USP46: variants seen among roughly 807,000 people sequenced by gnomAD.
USP46 encodes ubiquitin specific peptidase 46.
USP46 carries 12 observed loss-of-function variants against 44.4 expected under a neutral mutation model. The ratio of observed to expected loss-of-function variants is 0.27; its 90% CI spans 0.17 to 0.44. The LOEUF is 0.44. USP46 is among the 20% of genes least tolerant of loss of function. The pLI is 1.00. For missense variants in USP46, 248 were observed against 444.8 expected, an observed-to-expected ratio of 0.56 and a Z score of 3.98; for synonymous variants, 155 against 161.5, an observed-to-expected ratio of 0.96 and a Z score of 0.31.
At chr4:52,649,479 T>A (rs1390335490) in intron 1 of USP46, among the ~76,000 whole-genome samples, 1 of 152,222 alleles carries the variant, frequency 6.6e-6, no homozygotes, top group Non-Finnish European at 1.5e-5. Flanking sequence ...AAATAGAAGT[T>A]GTTTTGTTTT....
At chr4:52,641,191 A>G (rs956794231) in intron 1 of USP46, among the ~76,000 whole-genome samples, 2 of 152,210 alleles carry the variant, frequency 1.3e-5, no homozygotes, top group South Asian at 4.1e-4. Context: ...TAATTGTTAT[A>G]TGACCAGATG....
chr4:52,632,972 G>GAAAA, intron 1 of USP46, among the ~76,000 whole-genome samples: 1 of 74,002 alleles, frequency 1.4e-5, no homozygotes, highest in Admixed American at 1.3e-4. Context: ...AAGAAAGAAA[G>GAAAA]AAAGAAAGAA....
chr4:52,653,068 C>G (rs1298668705), intron 1 of USP46, among the ~76,000 whole-genome samples: 1 of 152,032 alleles, frequency 6.6e-6, no homozygotes, highest in Non-Finnish European at 1.5e-5. Flanking sequence ...CTATCCATTG[C>G]AAAGAATCAT....
intron 8 of USP46, 24 bp downstream of exon 8, chr4:52,598,604 C>T: frequency 1.9e-6 from 3 of 1,597,522 alleles, no homozygotes; most frequent in Non-Finnish European, 2.6e-6. Context: ...TCTATGACTA[C>T]TGGAGAATAA....
intron 4 of USP46, among the ~76,000 whole-genome samples, chr4:52,617,585 G>T (rs148512441): frequency 1.3e-5 from 2 of 152,164 alleles, no homozygotes; most frequent in South Asian, 2.1e-4. Context: ...AAAACATGGC[G>T]CAAAAGCTTT....
Position 52,659,268 on chromosome 4 carries a change from T to C in USP46, c.-118A>G. 1.6e-6 allele frequency: 2 copies of C among 1,219,702 alleles called. No individual in the cohort carries two copies. The highest frequency in any genetic ancestry group is 1.8e-5 in the South Asian group (1 of 56,322). The allele number at this position is 1,219,702 out of a possible 1,614,324, so 75.6% of individuals were successfully genotyped here. On this transcript the variant is annotated 5_prime_UTR_variant, in exon 1 of 9. Coordinates refer to ENST00000441222, the MANE Select transcript of USP46 (RefSeq NM_022832.4). This position sits in a 1 kb window ranked among gnomAD's most constrained non-coding sequence, Gnocchi z 4.2. ...CAGCGCGGCGGCCTGGGGTCCGGCTTTCAGTTTGGCTGGGAGAGGGAGGCC... is the reference window on the plus strand; with the variant it reads ...CAGCGCGGCGGCCTGGGGTCCGGCTCTCAGTTTGGCTGGGAGAGGGAGGCC...
At chr4:52,632,972 GAAAGAAAGA>G (rs1717932616) in intron 1 of USP46, among the ~76,000 whole-genome samples, 1 of 73,986 alleles carries the variant, frequency 1.4e-5, no homozygotes, top group African/African-American at 6.7e-5. Flanking sequence ...AAGAAAGAAA[GAAAGAAAGA>G]AAGAAAAGAA....
At chr4:52,626,895 T>C (rs1487634944) in intron 3 of USP46, among the ~76,000 whole-genome samples, 2 of 152,232 alleles carry the variant, frequency 1.3e-5, no homozygotes, top group East Asian at 1.9e-4. Context: ...TAACTACCAA[T>C]GATCAATTAA....
intron 1 of USP46, among the ~76,000 whole-genome samples, chr4:52,632,989 G>GAAAAGAAA (rs1560406210): frequency 3.8e-3 from 121 of 31,932 alleles, no homozygotes; most frequent in South Asian, 6.5e-3. Flanking sequence ...AGAAAGAAAA[G>GAAAAGAAA]AAAAGAAAGA....
intron 4 of USP46, among the ~76,000 whole-genome samples, chr4:52,621,139 T>G (rs909164586): frequency 1.3e-5 from 2 of 152,170 alleles, no homozygotes; most frequent in African/African-American, 4.8e-5. Context: ...TAAAAACTTA[T>G]AGAAGCTCTT....
intron 1 of USP46, among the ~76,000 whole-genome samples, chr4:52,632,983 AG>A (rs1560406132): frequency 4.6e-4 from 43 of 92,742 alleles, no homozygotes; most frequent in Non-Finnish European, 7.1e-4. Context: ...AAAGAAAGAA[AG>A]AAAAGAAAAG....
At chr4:52,627,433 C>G (rs781017462) in intron 3 of USP46, among the ~76,000 whole-genome samples, 1 of 152,080 alleles carries the variant, frequency 6.6e-6, no homozygotes, top group Non-Finnish European at 1.5e-5. Context: ...GATAGAAAAA[C>G]CAGAAAAATC....
At chr4:52,616,270 C>A (rs1163346509) in intron 4 of USP46, among the ~76,000 whole-genome samples, 3 of 152,204 alleles carry the variant, frequency 2.0e-5, no homozygotes, top group African/African-American at 7.2e-5. Context: ...CTGTCCCCAA[C>A]AACAAAGAAT....
chr4:52,614,761 T>C (rs111452185), intron 4 of USP46, among the ~76,000 whole-genome samples: 3,572 of 152,308 alleles, frequency 0.023, 118 homozygotes, highest in African/African-American at 0.076. Context: ...AATTTTTGTA[T>C]AATATTCACA....
chr4:52,619,115 C>T (rs1468147557), intron 4 of USP46, among the ~76,000 whole-genome samples: 1 of 152,114 alleles, frequency 6.6e-6, no homozygotes, highest in Non-Finnish European at 1.5e-5. Flanking sequence ...TGCAAGGCTA[C>T]AGTGGAAAAT....
intron 1 of USP46, among the ~76,000 whole-genome samples, chr4:52,656,096 G>A (rs1718935664): frequency 1.3e-5 from 2 of 152,140 alleles, no homozygotes; most frequent in Non-Finnish European, 2.9e-5. Context: ...CCAGAAAAAT[G>A]GTACCTTCTA....
intron 4 of USP46, among the ~76,000 whole-genome samples, chr4:52,616,574 T>C (rs945610315): frequency 2.6e-5 from 4 of 152,120 alleles, no homozygotes; most frequent in Non-Finnish European, 5.9e-5. Context: ...GGTTTCACCA[T>C]GTTGGCTAGG....
At position 52,592,900 on chromosome 4, in the gene USP46, G is replaced by A; in HGVS notation, c.*4740C>T. On this transcript the variant is annotated 3_prime_UTR_variant, in exon 9 of 9. Transcript: ENST00000441222. ...CCTTTGCTCTCTTCCTCTTGCTCCTGCCATGTAAGATGGGCTTGCTTTCCC... is the reference window on the plus strand; with the variant it reads ...CCTTTGCTCTCTTCCTCTTGCTCCTACCATGTAAGATGGGCTTGCTTTCCC... 1 of 397,780 alleles carries A rather than the reference G, an allele frequency of 2.5e-6. No individual in the cohort carries two copies. Among genetic ancestry groups the A allele is most frequent in the Non-Finnish European group, 4.4e-6 (1 of 226,096 alleles). 24.6% of individuals were successfully genotyped at this position (397,780 alleles called of 1,614,324 possible).
At chr4:52,629,567 C>T (rs1434997810) in intron 2 of USP46, 1 of 456,066 alleles carries the variant, frequency 2.2e-6, no homozygotes, top group Non-Finnish European at 4.4e-6. Context: ...TTCACCAACA[C>T]AATGCCCTAT....
Sources: gnomAD v4.1 joint callset for allele counts (sites outside exome capture counted in the v4.1 genomes callset) on GRCh38, gnomAD v4.1.1 for gene constraint, Gnocchi (gnomAD v3.1) non-coding constraint, MANE v1.5 for transcripts, NCBI Gene and HGNC (gene_info 2026-07-23, HGNC 2026-07-21) for gene names.